The following ARID5B variants were observed in gnomAD, a reference collection of about 807,000 sequenced individuals.
ARID5B encodes AT-rich interactive domain-containing protein 5B.
ARID5B carries 13 observed loss-of-function variants against 97.2 expected under a neutral mutation model. That is an observed-to-expected ratio of 0.13 (90% CI 0.09 to 0.21). The LOEUF (loss-of-function observed/expected upper bound fraction) is 0.21. Among genes scored for constraint, ARID5B ranks in the 10% least tolerant of loss-of-function variants. The pLI, the probability that ARID5B is intolerant of heterozygous loss-of-function variation, is 1.00. For missense variants in ARID5B, 1,210 were observed against 1,465.3 expected, an observed-to-expected ratio of 0.83 and a Z score of 2.84; for synonymous variants, 556 against 570.3, an observed-to-expected ratio of 0.97 and a Z score of 0.36.
intron 3 of ARID5B, among the ~76,000 whole-genome samples, chr10:61,945,793 G>C (rs1217134157): frequency 6.6e-6 from 1 of 151,836 alleles, no homozygotes; most frequent in African/African-American, 2.4e-5. Context: ...ATCAGAAGCA[G>C]GTTCTGTATG....
Position 62,096,014 on chromosome 10 carries a change from A to G in ARID5B, c.*2984A>G, listed in dbSNP as rs1433357211. The G allele has an allele frequency of 4.3e-6, 1 of 233,012 alleles. No homozygotes were observed. The highest frequency in any genetic ancestry group is 8.5e-6 in the Non-Finnish European group (1 of 117,912). The allele number at this position is 233,012 out of a possible 1,614,324, so 14.4% of individuals were successfully genotyped here. ...AAAACTTCCATGCAACTTCTGGTTTAATGTTTGGCAACTCCACATGATAAA... is the reference window on the plus strand; with the variant it reads ...AAAACTTCCATGCAACTTCTGGTTTGATGTTTGGCAACTCCACATGATAAA... On this transcript the variant is annotated 3_prime_UTR_variant, in exon 10 of 10. Coordinates refer to ENST00000279873, the MANE Select transcript of ARID5B (RefSeq NM_032199.3).
At chr10:61,972,846 G>T (rs576976535) in intron 3 of ARID5B, among the ~76,000 whole-genome samples, 4 of 152,092 alleles carry the variant, frequency 2.6e-5, no homozygotes, top group African/African-American at 9.7e-5. Flanking sequence ...AAACATTTTC[G>T]GTAGAATTAG....
At chr10:61,980,869 G>T (rs1838767622) in intron 3 of ARID5B, among the ~76,000 whole-genome samples, 1 of 152,146 alleles carries the variant, frequency 6.6e-6, no homozygotes, top group African/African-American at 2.4e-5. Flanking sequence ...CTCCTAGGAT[G>T]CCAGTATCCC....
At chr10:61,916,384 G>T (rs1843904637) in intron 2 of ARID5B, among the ~76,000 whole-genome samples, 1 of 152,088 alleles carries the variant, frequency 6.6e-6, no homozygotes, top group Admixed American at 6.5e-5. Context: ...TTGCAGCAGA[G>T]ACTATATACC....
chr10:62,079,967 G>T (rs891691557), intron 8 of ARID5B, among the ~76,000 whole-genome samples: 2 of 152,198 alleles, frequency 1.3e-5, no homozygotes, highest in African/African-American at 4.8e-5. Context: ...GAATACAGGT[G>T]ATGCTAGTTA....
chr10:62,057,278 A>G lies in ARID5B; in HGVS notation c.1008A>G (p.Lys336=), dbSNP rs1408030666. Residue 336 remains lysine (K), a synonymous_variant, in exon 6 of 10, where the codon AAA becomes AAG. Transcript: ENST00000279873. ...TTTATAAATACATGAAAGAAAGGAA[A>G]ACGCCGATAGAACGAATACCCTATT... The part of the protein sequence containing the change: ...VALYKYMKER[K]TPIERIPYLG... 6.2e-7 allele frequency: 1 copy of G among 1,609,320 alleles called. No individual in the cohort carries two copies. The highest frequency in any genetic ancestry group is 2.3e-5 in the East Asian group (1 of 44,396).
chr10:62,059,748 A>C (rs577110797), intron 7 of ARID5B, among the ~76,000 whole-genome samples: 3 of 152,198 alleles, frequency 2.0e-5, no homozygotes, highest in Non-Finnish European at 4.4e-5. Context: ...TAGGGCAAAG[A>C]AGCTTTATTA....
chr10:61,902,530 C>T, intron 2 of ARID5B, 117 bp downstream of exon 2: 1 of 1,405,956 alleles, frequency 7.1e-7, no homozygotes, highest in African/African-American at 1.4e-5. Flanking sequence ...AGGATCGACT[C>T]CTTTTTTAAA....
intron 4 of ARID5B, among the ~76,000 whole-genome samples, chr10:62,020,767 A>G (rs1247620398): frequency 2.0e-5 from 3 of 152,128 alleles, no homozygotes; most frequent in African/African-American, 7.2e-5. Context: ...TAAGCATTAC[A>G]TAAGAACATA....
chr10:62,009,175 G>A (rs958812570), intron 4 of ARID5B, among the ~76,000 whole-genome samples: 2 of 152,160 alleles, frequency 1.3e-5, no homozygotes, highest in African/African-American at 4.8e-5. Context: ...TCCATCATCT[G>A]GGCTTTATGT....
chr10:61,903,752 C>G (rs577306726), intron 2 of ARID5B, among the ~76,000 whole-genome samples: 168 of 152,230 alleles, frequency 1.1e-3, no homozygotes, highest in African/African-American at 3.7e-3. Flanking sequence ...GTACTTTTGG[C>G]ATTGCTAGTT....
Position 62,049,433 on chromosome 10 carries a change from G to C in ARID5B, c.734-1455G>C. ...GGCCGGGGAGCAGTCACATGCTGTA[G>C]CTTTCATGAGCACAGGCATCAGTCA... On this transcript the variant is annotated intron_variant, in intron 4 of 9. Transcript: ENST00000279873. 2.6e-6 allele frequency: 4 copies of C among 1,550,474 alleles called. No individual in the cohort carries two copies. In the South Asian group the frequency reaches 3.6e-5, roughly 14 times the overall value.
chr10:62,045,368 C>T (rs1400053984), intron 4 of ARID5B, among the ~76,000 whole-genome samples: 2 of 151,516 alleles, frequency 1.3e-5, no homozygotes, highest in East Asian at 1.9e-4. Flanking sequence ...AAATAGAACA[C>T]AGTAAATGAT....
intron 3 of ARID5B, among the ~76,000 whole-genome samples, chr10:61,950,426 C>T (rs1033089694): frequency 5.9e-5 from 9 of 152,188 alleles, no homozygotes; most frequent in South Asian, 2.1e-4. Flanking sequence ...CCCAACACTC[C>T]GGAAGGCCGA....
chr10:61,934,880 G>T (rs541350072), intron 2 of ARID5B, among the ~76,000 whole-genome samples: 118 of 152,094 alleles, frequency 7.8e-4, no homozygotes, highest in Non-Finnish European at 1.2e-3. Flanking sequence ...GGGCATGGTG[G>T]CACATGCCTG....
Position 62,000,183 on chromosome 10 carries a change from T to A in ARID5B, c.595T>A (p.Ser199Thr), listed in dbSNP as rs746403761. ...SMLKRIQDKPSSILTDQFALA... is the reference protein window; with the variant it reads ...SMLKRIQDKPTSILTDQFALA... ...GCTGAAACGCATCCAGGATAAGCCA[T>A]CTTCCATTCTAACGGACCAGTTTGC... is the stretch of plus-strand genomic sequence containing the variant. Residue 199 changes from serine (S) to threonine (T), a missense_variant, in exon 4 of 10, where the codon TCT (serine) becomes ACT (threonine). Ser to Thr is a moderately conservative substitution (Grantham distance 58). Transcript: ENST00000279873. The surrounding 1 kb of genome is among the most constrained non-coding windows in gnomAD (Gnocchi z 4.4). The A allele has an allele frequency of 6.2e-7, 1 of 1,614,070 alleles. No individual in the cohort carries two copies. The highest frequency in any genetic ancestry group is 1.7e-5 in the Admixed American group (1 of 60,018).
chr10:62,020,812 A>T (rs1346711625), intron 4 of ARID5B, among the ~76,000 whole-genome samples: 2 of 151,946 alleles, frequency 1.3e-5, no homozygotes, highest in Non-Finnish European at 2.9e-5. Flanking sequence ...AATATTACGA[A>T]CTTATAAAGG....
chr10:62,042,956 A>G (rs959240454), intron 4 of ARID5B, among the ~76,000 whole-genome samples: 2 of 151,634 alleles, frequency 1.3e-5, no homozygotes, highest in African/African-American at 4.8e-5. Context: ...TTCCAAGACA[A>G]AGGATTCTTT....
intron 2 of ARID5B, among the ~76,000 whole-genome samples, chr10:61,937,761 G>A (rs1844330606): frequency 6.6e-6 from 1 of 152,190 alleles, no homozygotes; most frequent in African/African-American, 2.4e-5. Flanking sequence ...ACTTTAGTCA[G>A]CACTTGCTCA....
Sources: gnomAD v4.1 joint callset for allele counts (sites outside exome capture counted in the v4.1 genomes callset) on GRCh38, gnomAD v4.1.1 for gene constraint, Gnocchi (gnomAD v3.1) non-coding constraint, MANE v1.5 for transcripts, NCBI Gene and HGNC (gene_info 2026-07-23, HGNC 2026-07-21) for gene names.